ANXA3: variants seen among roughly 807,000 people sequenced by gnomAD.
ANXA3 encodes the protein annexin A3, also known as 35-alpha calcimedin.
A neutral mutation model predicts 48.8 loss-of-function variants in ANXA3; 46 were observed. The observed-to-expected ratio is 0.94, with a 90% CI of 0.74 to 1.21. ANXA3 has a LOEUF of 1.21. Ranked by LOEUF, ANXA3 falls within the 50% of genes most tolerant of loss-of-function variation. ANXA3 has a pLI of 0.00. For synonymous variants in ANXA3, 128 were observed against 134.7 expected, an observed-to-expected ratio of 0.95 and a Z score of 0.35; for missense variants, 383 against 378.6, an observed-to-expected ratio of 1.01 and a Z score of -0.10.
chr4:78,572,796 G>T (rs1444212527), intron 2 of ANXA3, among the ~76,000 whole-genome samples: 1 of 152,200 alleles, frequency 6.6e-6, no homozygotes, highest in Non-Finnish European at 1.5e-5. Flanking sequence ...AACTATGCCT[G>T]CATCTTAGTA....
intron 9 of ANXA3, 102 bp downstream of exon 9, chr4:78,595,989 A>C: frequency 1.4e-6 from 1 of 714,212 alleles, no homozygotes; most frequent in Admixed American, 2.5e-5. Flanking sequence ...AAAATTGCGA[A>C]GTCTGTTCCA....
chr4:78,600,353 G>A (rs913266152), intron 10 of ANXA3, among the ~76,000 whole-genome samples: 6 of 152,052 alleles, frequency 3.9e-5, no homozygotes, highest in African/African-American at 1.4e-4. Flanking sequence ...TAGTAGGTAA[G>A]AATATAAAGC....
chr4:78,608,603 G>A (rs1723698349), intron 12 of ANXA3, among the ~76,000 whole-genome samples: 1 of 152,094 alleles, frequency 6.6e-6, no homozygotes, highest in Non-Finnish European at 1.5e-5. Context: ...GAAACTTAAG[G>A]GACTTGGTAT....
chr4:78,564,335 G>A (rs1278366180), intron 2 of ANXA3, among the ~76,000 whole-genome samples: 1 of 152,148 alleles, frequency 6.6e-6, no homozygotes, highest in Non-Finnish European at 1.5e-5. Context: ...GAATACAATA[G>A]GAACTTTGAT....
chr4:78,565,976 A>G (rs1722721191), intron 2 of ANXA3, among the ~76,000 whole-genome samples: 1 of 152,162 alleles, frequency 6.6e-6, no homozygotes, highest in Non-Finnish European at 1.5e-5. Flanking sequence ...CAGAAGAGGG[A>G]GTGGAAGAAA....
At chr4:78,597,841 T>G (rs902020162) in intron 10 of ANXA3, among the ~76,000 whole-genome samples, 4 of 152,038 alleles carry the variant, frequency 2.6e-5, no homozygotes, top group African/African-American at 9.6e-5. Flanking sequence ...CGTGAACTCC[T>G]GAGCTCAAGC....
rs758883022 is a variant in ANXA3, at chr4:78,601,574, T to G, written c.789+6T>G. On this transcript the variant is annotated splice_donor_region_variant and intron_variant, in intron 11 of 12. Coordinates refer to ENST00000264908, the MANE Select transcript of ANXA3 (RefSeq NM_005139.3). Reference sequence around the variant, plus strand: ...GACTGCATCGAGCCTTGAAGGTTGGTCTGGAAAGTTCATGTGCATTCTTAG... The same window carrying G: ...GACTGCATCGAGCCTTGAAGGTTGGGCTGGAAAGTTCATGTGCATTCTTAG... The G allele has an allele frequency of 6.2e-7, 1 of 1,613,382 alleles. No homozygotes were observed. The highest frequency in any genetic ancestry group is 8.5e-7 in the Non-Finnish European group (1 of 1,179,506).
rs7317 is a variant in ANXA3 at position 78,610,399 on chromosome 4, C to A, written c.*284C>A. 184,402 of 244,678 alleles carry A rather than the reference C, an allele frequency of 0.75. 69,820 individuals are homozygous for A. The highest frequency in any genetic ancestry group is 0.93 in the East Asian group (11,643 of 12,566). 15.2% of individuals were successfully genotyped at this position (244,678 alleles called of 1,614,324 possible). The stretch of plus-strand genomic sequence containing the variant: ...AAAGTTAAGAATCTTTATAGTTCTA[C>A]TCCATTAAATATAAAGCAAGATAAT... On this transcript the variant is annotated 3_prime_UTR_variant, in exon 13 of 13. Coordinates refer to ENST00000264908, the MANE Select transcript of ANXA3 (RefSeq NM_005139.3).
intron 2 of ANXA3, among the ~76,000 whole-genome samples, chr4:78,559,573 A>G (rs928386960): frequency 2.0e-5 from 3 of 152,212 alleles, no homozygotes; most frequent in African/African-American, 7.2e-5. Flanking sequence ...CCTAAATACA[A>G]TGCCTACTAA....
intron 2 of ANXA3, among the ~76,000 whole-genome samples, chr4:78,561,022 T>A (rs1267207653): frequency 6.6e-6 from 1 of 152,182 alleles, no homozygotes; most frequent in East Asian, 1.9e-4. Flanking sequence ...TTTAGATGTA[T>A]TTTTCATATG....
chr4:78,570,181 G>A (rs573129235), intron 2 of ANXA3, among the ~76,000 whole-genome samples: 25 of 152,234 alleles, frequency 1.6e-4, no homozygotes, highest in Admixed American at 6.5e-4. Context: ...GTGTGTGTGC[G>A]TACTTTCTTC....
chr4:78,594,889 T>C (rs1723383261), intron 7 of ANXA3, among the ~76,000 whole-genome samples: 1 of 152,196 alleles, frequency 6.6e-6, no homozygotes, highest in Non-Finnish European at 1.5e-5. Flanking sequence ...TTCCCAGAGA[T>C]TCAGGAGGCT....
At chr4:78,598,592 T>G (rs1360801772) in intron 10 of ANXA3, among the ~76,000 whole-genome samples, 3 of 152,068 alleles carry the variant, frequency 2.0e-5, no homozygotes, top group Non-Finnish European at 1.5e-5. Flanking sequence ...CAAGCTGGAG[T>G]GTGGTGGCGC....
At position 78,610,091 on chromosome 4, in the gene ANXA3, A is replaced by G. The variant is rs1404170856; in HGVS notation, c.948A>G (p.Leu316=). 3.1e-6 allele frequency: 5 copies of G among 1,611,144 alleles called. No individual in the cohort carries two copies. The East Asian group carries it at 1.1e-4, about 36-fold the overall frequency. ...CTGGAGACTATGAAATCACACTCTT[A>G]AAAATCTGTGGTGGAGATGACTGAA... The part of the protein sequence containing the change: ...DTSGDYEITL[L]KICGGDD The change falls in exon 13 of 13, where the codon TTA becomes TTG. Residue 316 remains leucine, a synonymous_variant. Transcript: ENST00000264908.
At chr4:78,574,629 C>T (rs1722910881) in intron 3 of ANXA3, among the ~76,000 whole-genome samples, 1 of 152,114 alleles carries the variant, frequency 6.6e-6, no homozygotes, top group Admixed American at 6.5e-5. Context: ...ATACATTCTT[C>T]TGCAATATGT....
intron 2 of ANXA3, among the ~76,000 whole-genome samples, chr4:78,566,618 C>CTT (rs1722737223): frequency 1.5e-5 from 2 of 134,546 alleles, no homozygotes; most frequent in South Asian, 2.5e-4. Flanking sequence ...ACAATGGGTA[C>CTT]ACATTGATAT....
At chr4:78,570,706 T>A (rs1722825843) in intron 2 of ANXA3, among the ~76,000 whole-genome samples, 1 of 152,230 alleles carries the variant, frequency 6.6e-6, no homozygotes, top group Admixed American at 6.5e-5. Flanking sequence ...TTGGTGCTGT[T>A]TATGTGAAAT....
chr4:78,582,105 C>A (rs1578397762), intron 4 of ANXA3, 72 bp from the exon 5 acceptor site: 1 of 925,258 alleles, frequency 1.1e-6, no homozygotes. Flanking sequence ...ATATGTTCAT[C>A]TTTCACTAGG....
At chr4:78,609,835 C>T (rs1181205946) in intron 12 of ANXA3, among the ~76,000 whole-genome samples, 1 of 152,110 alleles carries the variant, frequency 6.6e-6, no homozygotes, top group Non-Finnish European at 1.5e-5. Flanking sequence ...TGCAGTATAT[C>T]AGGAAGAATC....
Sources: allele counts gnomAD v4.1 joint callset (sites outside exome capture counted in the v4.1 genomes callset), GRCh38; gene constraint gnomAD v4.1.1; transcripts MANE v1.5; gene names NCBI Gene and HGNC (gene_info 2026-07-23, HGNC 2026-07-21).